The following GSTCD variants were observed in gnomAD, a reference collection of about 807,000 sequenced individuals.
GSTCD encodes glutathione S-transferase C-terminal domain containing, also known as glutathione S-transferase C-terminal domain-containing protein.
GSTCD carries 44 observed loss-of-function variants against 68.3 expected under a neutral mutation model. The observed-to-expected ratio is 0.64, with a 90% confidence interval of 0.51 to 0.83. GSTCD has a LOEUF of 0.83. GSTCD is among the 40% of genes least tolerant of loss of function. The pLI is 0.00. For synonymous variants in GSTCD, 273 were observed against 255.2 expected (o/e 1.07, Z -0.67); for missense variants, 739 against 735.9 (o/e 1.00, Z -0.05).
Position 105,719,299 on chromosome 4 carries a change from C to T in GSTCD, c.666C>T (p.His222=). The stretch of plus-strand genomic sequence containing the variant: ...AGGGAAAGGCAAAGAGCAAGGTCCA[C>T]ACACAGGAAACATCTGAAGGGTTGG... The part of the protein sequence containing the change: ...LTKGKAKSKV[H]TQETSEGLDS... The change falls in exon 3 of 12, where the codon CAC becomes CAT. Residue 222 remains histidine, a synonymous_variant. Coordinates refer to ENST00000515279, the MANE Select transcript of GSTCD (RefSeq NM_001370181.1). The T allele has an allele frequency of 6.2e-7, 1 of 1,614,116 alleles. No homozygotes were observed.
intron 8 of GSTCD, among the ~76,000 whole-genome samples, chr4:105,830,872 A>T (rs564482560): frequency 6.6e-6 from 1 of 152,290 alleles, no homozygotes; most frequent in Non-Finnish European, 1.5e-5. Context: ...AAAAGGGAAG[A>T]TAGTGTATAA....
At position 105,847,245 on chromosome 4, in the gene GSTCD, C is replaced by T. The variant is rs750101182; in HGVS notation, c.*1668C>T. Reference sequence around the variant, plus strand: ...TAACATGTATCATGAGGAGAAAGCACTATCATTGATCATCACTATGGATTA... The same window carrying T: ...TAACATGTATCATGAGGAGAAAGCATTATCATTGATCATCACTATGGATTA... On this transcript the variant is annotated 3_prime_UTR_variant, in exon 12 of 12. Coordinates refer to ENST00000515279, the MANE Select transcript of GSTCD (RefSeq NM_001370181.1). 6.9e-6 allele frequency: 1 copy of T among 144,030 alleles called. No homozygotes were observed. The highest frequency in any genetic ancestry group is 1.5e-5 in the Non-Finnish European group (1 of 67,116). 8.9% of individuals were successfully genotyped at this position (144,030 alleles called of 1,614,324 possible).
chr4:105,823,407 T>G, intron 7 of GSTCD, 132 bp downstream of exon 7: 2 of 607,984 alleles, frequency 3.3e-6, no homozygotes, highest in Non-Finnish European at 5.7e-6. Context: ...GCATTGTCTT[T>G]TCTTTGAAAT....
intron 5 of GSTCD, among the ~76,000 whole-genome samples, chr4:105,734,831 A>G (rs1733399135): frequency 6.6e-6 from 1 of 151,824 alleles, no homozygotes; most frequent in Admixed American, 6.6e-5. Context: ...TTGGTCTTTG[A>G]TGATGGTGAC....
Position 105,751,176 on chromosome 4 carries a change from A to G in GSTCD, c.1240+21677A>G, listed in dbSNP as rs559524840. Reference sequence around the variant, plus strand: ...TTTTGCTATTGTACTAAAATTATTTAAGATGTCACCATTGGGGAAGCTGGG... The same window carrying G: ...TTTTGCTATTGTACTAAAATTATTTGAGATGTCACCATTGGGGAAGCTGGG... On this transcript the variant is annotated intron_variant, in intron 5 of 11. Transcript: ENST00000515279. Among the ~76,000 whole-genome samples, 422 of 152,292 alleles carry G rather than the reference A, an allele frequency of 2.8e-3. 3 individuals are homozygous for G. Among genetic ancestry groups the G allele is most frequent in the African/African-American group, 9.8e-3 (406 of 41,562 alleles).
chr4:105,841,339 A>C (rs1327446766), intron 10 of GSTCD, among the ~76,000 whole-genome samples: 1 of 151,970 alleles, frequency 6.6e-6, no homozygotes, highest in Non-Finnish European at 1.5e-5. Flanking sequence ...AAAAAAAGAA[A>C]GAAAAGAAAA....
rs746668905 is a variant in GSTCD, at chr4:105,717,735, G to A, written c.122G>A (p.Cys41Tyr). The change falls in exon 2 of 12, where the codon TGT becomes TAT. Residue 41 changes from cysteine (C) to tyrosine (Y), a missense_variant. Physicochemically the swap from Cys to Tyr is radical, Grantham distance 194. Transcript: ENST00000515279. ...GTAACTTTATTTCTGTTATCTTACT[G>A]TGACTGTAAAATCTTTAAAATTTGC... ...TSVTLFLLSYCDCKIFKICLV... is the reference protein window; with the variant it reads ...TSVTLFLLSYYDCKIFKICLV... 2 of 1,613,756 alleles carry A rather than the reference G, an allele frequency of 1.2e-6. No individual in the cohort carries two copies. Among genetic ancestry groups the A allele is most frequent in the Non-Finnish European group, 1.7e-6 (2 of 1,179,740 alleles).
At chr4:105,792,913 T>C (rs1189971433) in intron 5 of GSTCD, among the ~76,000 whole-genome samples, 1 of 152,110 alleles carries the variant, frequency 6.6e-6, no homozygotes, top group Non-Finnish European at 1.5e-5. Flanking sequence ...ACAATCATTC[T>C]GAAATTCAAA....
At chr4:105,778,899 C>G (rs1382413164) in intron 5 of GSTCD, among the ~76,000 whole-genome samples, 1 of 152,092 alleles carries the variant, frequency 6.6e-6, no homozygotes, top group East Asian at 1.9e-4. Context: ...CTCCTTTTCT[C>G]TCTCACCCAC....
chr4:105,844,233 A>G (rs1210670284), intron 11 of GSTCD, among the ~76,000 whole-genome samples: 1 of 152,188 alleles, frequency 6.6e-6, no homozygotes, highest in Non-Finnish European at 1.5e-5. Context: ...GATGGGAGAA[A>G]CATTTACAGA....
intron 5 of GSTCD, among the ~76,000 whole-genome samples, chr4:105,793,455 T>C (rs931594315): frequency 1.3e-5 from 2 of 151,906 alleles, no homozygotes; most frequent in Non-Finnish European, 2.9e-5. Flanking sequence ...TACTGACATA[T>C]TTCAAGGTGA....
At chr4:105,743,267 T>C (rs72671880) in intron 5 of GSTCD, among the ~76,000 whole-genome samples, 8,238 of 152,208 alleles carry the variant, frequency 0.054, 260 homozygotes, top group Middle Eastern at 0.14. Flanking sequence ...TCTTATACTT[T>C]GTATTTTGTA....
At chr4:105,812,326 C>T (rs1352139700) in intron 5 of GSTCD, among the ~76,000 whole-genome samples, 2 of 152,062 alleles carry the variant, frequency 1.3e-5, no homozygotes, top group Non-Finnish European at 2.9e-5. Flanking sequence ...CGTATGTGTG[C>T]TTGTGCATGC....
At chr4:105,834,394 A>C in intron 8 of GSTCD, 67 bp from the exon 9 acceptor site, 2 of 1,503,258 alleles carry the variant, frequency 1.3e-6, no homozygotes, top group Non-Finnish European at 1.8e-6. Context: ...GAACTATTTA[A>C]AAGGCATAAA....
At chr4:105,751,293 G>A (rs1734001233) in intron 5 of GSTCD, among the ~76,000 whole-genome samples, 2 of 152,106 alleles carry the variant, frequency 1.3e-5, no homozygotes, top group African/African-American at 4.8e-5. Flanking sequence ...AATTTAAGCA[G>A]AAATATTTGG....
At chr4:105,773,599 C>A (rs1392346076) in intron 5 of GSTCD, among the ~76,000 whole-genome samples, 3 of 152,084 alleles carry the variant, frequency 2.0e-5, no homozygotes, top group Non-Finnish European at 4.4e-5. Flanking sequence ...TTTATTTCAG[C>A]CTTAATTTCG....
chr4:105,824,492 C>CT (rs1723485371), intron 7 of GSTCD, among the ~76,000 whole-genome samples: 1 of 152,096 alleles, frequency 6.6e-6, no homozygotes, highest in Non-Finnish European at 1.5e-5. Flanking sequence ...CAAGTATAGT[C>CT]TAACAGGTTT....
At chr4:105,790,075 C>G (rs1161731442) in intron 5 of GSTCD, among the ~76,000 whole-genome samples, 1 of 151,958 alleles carries the variant, frequency 6.6e-6, no homozygotes, top group Non-Finnish European at 1.5e-5. Flanking sequence ...GATATTATTA[C>G]TAGTTTTGCT....
At chr4:105,844,391 G>C (rs992059425) in intron 11 of GSTCD, among the ~76,000 whole-genome samples, 1 of 152,114 alleles carries the variant, frequency 6.6e-6, no homozygotes, top group East Asian at 1.9e-4. Context: ...TGTGGGATGG[G>C]CTCTTTTAAG....
Sources: gnomAD v4.1 joint callset for allele counts (sites outside exome capture counted in the v4.1 genomes callset) on GRCh38, gnomAD v4.1.1 for gene constraint, MANE v1.5 for transcripts, NCBI Gene and HGNC (gene_info 2026-07-23, HGNC 2026-07-21) for gene names.